NBAS: variants seen among roughly 807,000 people sequenced by gnomAD.
The protein encoded by NBAS is NBAS subunit of NRZ tethering complex, also known as NAG/BC035112 fusion.
Under a neutral mutation model 302.5 loss-of-function variants are expected in NBAS, and 219 were observed. That is an observed-to-expected ratio of 0.72 (90% confidence interval 0.65 to 0.81). NBAS has a LOEUF of 0.81. Ranked by LOEUF, NBAS falls within the 30% of genes least tolerant of loss-of-function variation. The pLI, the probability that NBAS is intolerant of heterozygous loss-of-function variation, is 0.00. For missense variants in NBAS, 2,932 were observed against 2,841.6 expected (o/e 1.03, Z -0.72); for synonymous variants, 1,118 against 1,021.6 (o/e 1.09, Z -1.80).
chr2:15,042,023 T>G, the NBAS span, among the ~76,000 whole-genome samples: 1 of 152,192 alleles, frequency 6.6e-6, no homozygotes, highest in Non-Finnish European at 1.5e-5. Context: ...TGTTCCTCTA[T>G]TTGCTTTCAA....
At chr2:15,162,592 A>G (rs1041090345), downstream of NBAS, among the ~76,000 whole-genome samples, 14 of 152,150 alleles carry the variant, frequency 9.2e-5, no homozygotes, top group Non-Finnish European at 1.6e-4. Context: ...AAAGCTCTCC[A>G]GTTTGCAGTG....
chr2:15,119,634 T>C, the NBAS span, among the ~76,000 whole-genome samples: 1 of 152,138 alleles, frequency 6.6e-6, no homozygotes, highest in African/African-American at 2.4e-5. Flanking sequence ...CCACCGTGCC[T>C]AGCCAGGAAT....
chr2:15,393,845 C>A, intron 28 of NBAS: 5 of 401,054 alleles, frequency 1.2e-5, no homozygotes, highest in South Asian at 2.0e-5. Flanking sequence ...GCCAAACAAA[C>A]ACACAAACAA....
chr2:14,809,565 T>G, the NBAS span, among the ~76,000 whole-genome samples: 2 of 152,224 alleles, frequency 1.3e-5, no homozygotes, highest in Non-Finnish European at 2.9e-5. Flanking sequence ...TGTATGGAAA[T>G]GCCTGGATGC....
intron 11 of NBAS, among the ~76,000 whole-genome samples, chr2:15,489,512 C>T (rs569734834): frequency 6.6e-6 from 1 of 152,026 alleles, no homozygotes; most frequent in South Asian, 2.1e-4. Flanking sequence ...AGAAAGAGTG[C>T]AAGAATGATG....
At chr2:15,561,136 C>T in intron 1 of NBAS, 52 bp downstream of exon 1, 3 of 1,553,650 alleles carry the variant, frequency 1.9e-6, no homozygotes, top group Admixed American at 1.7e-5. Flanking sequence ...GTGGCTCTAC[C>T]CACGAAGCGC....
At chr2:15,466,407 T>C (rs1679726975) in intron 19 of NBAS, among the ~76,000 whole-genome samples, 1 of 152,192 alleles carries the variant, frequency 6.6e-6, no homozygotes, top group African/African-American at 2.4e-5. Context: ...AAGAGTCATG[T>C]GAAAAAGCAA....
At chr2:15,341,585 A>T (rs997484754) in intron 35 of NBAS, among the ~76,000 whole-genome samples, 2 of 152,140 alleles carry the variant, frequency 1.3e-5, no homozygotes, top group Non-Finnish European at 2.9e-5. Context: ...TGCTTATTAC[A>T]AACACAGTTA....
chr2:15,328,144 A>G (rs1672160522), intron 37 of NBAS, 55 bp downstream of exon 37: 3 of 1,523,612 alleles, frequency 2.0e-6, no homozygotes, highest in Non-Finnish European at 9.0e-7. Context: ...TTTTGTTTCT[A>G]CTGTCTACAA....
chr2:15,019,014 T>C, the NBAS span, among the ~76,000 whole-genome samples: 1 of 152,206 alleles, frequency 6.6e-6, no homozygotes, highest in African/African-American at 2.4e-5. Context: ...GAATGCACTT[T>C]TTGCATTTCA....
chr2:15,013,119 A>T, the NBAS span, among the ~76,000 whole-genome samples: 1 of 152,290 alleles, frequency 6.6e-6, no homozygotes, highest in Middle Eastern at 3.4e-3. Flanking sequence ...TCGGCCTCCC[A>T]AAGTTCTGGG....
At chr2:15,345,569 GGC>G (rs1324828436) in intron 35 of NBAS, among the ~76,000 whole-genome samples, 1 of 152,136 alleles carries the variant, frequency 6.6e-6, no homozygotes, top group African/African-American at 2.4e-5. Context: ...TCGTGAAAGT[GGC>G]CATAGTGCCC....
intron 44 of NBAS, among the ~76,000 whole-genome samples, chr2:15,243,151 C>T (rs1419939313): frequency 3.9e-5 from 6 of 152,176 alleles, no homozygotes; most frequent in Admixed American, 3.3e-4. Context: ...ACTTGTCTCC[C>T]AGTGTGACAG....
chr2:14,873,923 C>T, the NBAS span, among the ~76,000 whole-genome samples: 1 of 151,438 alleles, frequency 6.6e-6, no homozygotes, highest in African/African-American at 2.4e-5. Flanking sequence ...GCAAATTAAG[C>T]ACAAAATAAT....
In NBAS at chr2:15,309,909, TG is replaced by T. The variant is rs1362624984; in HGVS notation, c.4583-663del. Among the ~76,000 whole-genome samples the T allele has an allele frequency of 5.3e-5, 8 of 152,220 alleles. 1 individual carries two copies. The highest frequency in any genetic ancestry group is 1.2e-4 in the Non-Finnish European group (8 of 68,046). On this transcript the variant is annotated intron_variant, in intron 38 of 51. Transcript: ENST00000281513. ...ATACGGTCTGTGTTTGTACACAGCTTGTTTCAATAAGGATGTATCCTATTCA... is the reference window on the plus strand; with the variant it reads ...ATACGGTCTGTGTTTGTACACAGCTTTTTCAATAAGGATGTATCCTATTCA...
chr2:15,540,805 C>A (rs1437207227), intron 6 of NBAS, among the ~76,000 whole-genome samples: 1 of 152,058 alleles, frequency 6.6e-6, no homozygotes, highest in Non-Finnish European at 1.5e-5. Context: ...TCACTGCAAC[C>A]TCCATCTCCT....
chr2:15,494,014 T>G (rs1191832784), intron 11 of NBAS, among the ~76,000 whole-genome samples: 3 of 151,894 alleles, frequency 2.0e-5, no homozygotes, highest in Admixed American at 2.0e-4. Context: ...TTAGTAGAGA[T>G]AGGGTTTCAC....
chr2:15,317,689 G>A (rs1191312371), intron 38 of NBAS, among the ~76,000 whole-genome samples: 2 of 151,992 alleles, frequency 1.3e-5, no homozygotes, highest in African/African-American at 2.4e-5. Context: ...AGAAGACAAG[G>A]TTAGAGAAAA....
At chr2:15,008,690 C>T in the NBAS span, among the ~76,000 whole-genome samples, 1 of 152,164 alleles carries the variant, frequency 6.6e-6, no homozygotes, top group Non-Finnish European at 1.5e-5. Flanking sequence ...TCTCCTTAAA[C>T]TTATTTAAAA....
Sources: gnomAD v4.1 joint callset for allele counts (sites outside exome capture counted in the v4.1 genomes callset) on GRCh38, gnomAD v4.1.1 for gene constraint, MANE v1.5 for transcripts, NCBI Gene and HGNC (gene_info 2026-07-23, HGNC 2026-07-21) for gene names.